Variants in MLLT3 observed in about 807,000 individuals in gnomAD.
MLLT3 encodes the protein protein AF-9.
A neutral mutation model predicts 53.2 loss-of-function variants in MLLT3; 4 were observed. The ratio of observed to expected loss-of-function variants is 0.08; its 90% CI spans 0.04 to 0.17. The LOEUF (loss-of-function observed/expected upper bound fraction) is 0.17. Ranked by LOEUF, MLLT3 falls within the 10% of genes least tolerant of loss-of-function variation. The probability of loss-of-function intolerance (pLI) is 1.00; values close to 1 mark genes in which losing one functional copy is unlikely to be tolerated. For synonymous variants in MLLT3, 283 were observed against 230.6 expected, an observed-to-expected ratio of 1.23 and a Z score of -2.06; for missense variants, 569 against 684.0, an observed-to-expected ratio of 0.83 and a Z score of 1.87.
chr9:20,621,858 G>A lies in MLLT3; in HGVS notation c.12+387C>T. 1 of 1,383,644 alleles carries A rather than the reference G, an allele frequency of 7.2e-7. No homozygotes were observed. The highest frequency in any genetic ancestry group is 1.5e-5 in the African/African-American group (1 of 65,482). 85.7% of individuals were successfully genotyped at this position (1,383,644 alleles called of 1,614,324 possible). A position where few individuals can be genotyped will look rare whatever the true frequency, so the allele number is the denominator to read the frequency against. On this transcript the variant is annotated intron_variant, in intron 1 of 10. Transcript: ENST00000380338. This position sits in a 1 kb window ranked among gnomAD's most constrained non-coding sequence, Gnocchi z 7.0. ...CGGACTGTGCCCGCAGCTCCCGGCG[G>A]CGGCGGCTGAAATATGGCTGAGTTA...
chr9:20,483,360 C>T (rs1237869840), intron 2 of MLLT3, among the ~76,000 whole-genome samples: 5 of 151,680 alleles, frequency 3.3e-5, no homozygotes, highest in South Asian at 2.1e-4. Flanking sequence ...ATCTCAGCCT[C>T]GCAAGTAGCT....
Position 20,342,327 on chromosome 9 carries a change from G to C in MLLT3, c.*4116C>G, listed in dbSNP as rs1202972764. ...CAGTGTGCCTTGAATTCACACAAAAGCATGTACACATACACAATGTATCTT... is the reference window on the plus strand; with the variant it reads ...CAGTGTGCCTTGAATTCACACAAAACCATGTACACATACACAATGTATCTT... On this transcript the variant is annotated 3_prime_UTR_variant, in exon 11 of 11. Coordinates refer to ENST00000380338, the MANE Select transcript of MLLT3 (RefSeq NM_004529.4). The C allele has an allele frequency of 8.9e-6, 2 of 225,044 alleles. No individual in the cohort carries two copies. Among genetic ancestry groups the C allele is most frequent in the African/African-American group, 2.2e-5 (1 of 44,868 alleles). 13.9% of individuals were successfully genotyped at this position (225,044 alleles called of 1,614,324 possible). A position where few individuals can be genotyped will look rare whatever the true frequency, so the allele number is the denominator to read the frequency against.
In MLLT3 at chr9:20,345,643, T is replaced by G. The variant is rs1318543776; in HGVS notation, c.*800A>C. The G allele has an allele frequency of 9.4e-6, 2 of 212,222 alleles. No homozygotes were observed. The highest frequency in any genetic ancestry group is 2.3e-5 in the African/African-American group (1 of 44,186). The allele number at this position is 212,222 out of a possible 1,614,324, so 13.1% of individuals were successfully genotyped here. A position where few individuals can be genotyped will look rare whatever the true frequency, so the allele number is the denominator to read the frequency against. On this transcript the variant is annotated 3_prime_UTR_variant, in exon 11 of 11. Coordinates refer to ENST00000380338, the MANE Select transcript of MLLT3 (RefSeq NM_004529.4). Reference sequence around the variant, plus strand: ...CAGGTACACTTTTGTTTAAAAGTCCTACAAGTTTATTGACTAAGGCTAGAC... The same window carrying G: ...CAGGTACACTTTTGTTTAAAAGTCCGACAAGTTTATTGACTAAGGCTAGAC...
chr9:20,511,101 T>C (rs1421977408), intron 2 of MLLT3, among the ~76,000 whole-genome samples: 1 of 152,156 alleles, frequency 6.6e-6, no homozygotes, highest in Non-Finnish European at 1.5e-5. Context: ...TTATTTAATA[T>C]TATAAAATTT....
At chr9:20,454,713 G>A (rs1486350287) in intron 3 of MLLT3, among the ~76,000 whole-genome samples, 3 of 152,164 alleles carry the variant, frequency 2.0e-5, no homozygotes, top group Non-Finnish European at 4.4e-5. Flanking sequence ...CAAGAGGGAA[G>A]AAAAGCACCA....
chr9:20,413,469 G>T (rs1822782720), intron 5 of MLLT3, among the ~76,000 whole-genome samples: 1 of 152,142 alleles, frequency 6.6e-6, no homozygotes, highest in South Asian at 2.1e-4. Context: ...CTATTCAAAT[G>T]ACCCATTATA....
chr9:20,370,104 A>T (rs1418447263), intron 5 of MLLT3, among the ~76,000 whole-genome samples: 1 of 152,326 alleles, frequency 6.6e-6, no homozygotes, highest in East Asian at 1.9e-4. Context: ...CTATGCATGT[A>T]GTTTCTTTCA....
intron 8 of MLLT3, among the ~76,000 whole-genome samples, chr9:20,355,565 C>A (rs1405408517): frequency 1.3e-5 from 2 of 152,100 alleles, no homozygotes; most frequent in Non-Finnish European, 2.9e-5. Flanking sequence ...AAAGGAGAAG[C>A]AAATTATTAT....
At chr9:20,431,994 C>T (rs373386226) in intron 4 of MLLT3, among the ~76,000 whole-genome samples, 12 of 152,090 alleles carry the variant, frequency 7.9e-5, no homozygotes, top group African/African-American at 2.2e-4. Context: ...GTAATTATAT[C>T]GAGAGAAGGC....
rs1441952843 is a variant in MLLT3 at position 20,621,170 on chromosome 9, CA to C, written c.13-337del. Among the ~76,000 whole-genome samples, 2 of 152,198 alleles carry C rather than the reference CA, an allele frequency of 1.3e-5. No homozygotes were observed. The highest frequency in any genetic ancestry group is 2.4e-5 in the African/African-American group (1 of 41,456). On this transcript the variant is annotated intron_variant, in intron 1 of 10. Coordinates refer to ENST00000380338, the MANE Select transcript of MLLT3 (RefSeq NM_004529.4). This position sits in a 1 kb window ranked among gnomAD's most constrained non-coding sequence, Gnocchi z 7.0. ...AGCACGACAACAAATGCATCGGAAA[CA>C]AATCAGAAGGCGATGCCGGGGCGGT...
At chr9:20,515,024 G>A (rs142693637) in intron 2 of MLLT3, among the ~76,000 whole-genome samples, 3 of 136,842 alleles carry the variant, frequency 2.2e-5, no homozygotes, top group African/African-American at 8.3e-5. Context: ...TCGGCTCACC[G>A]CAACCTCTGC....
intron 5 of MLLT3, 39 bp from the exon 6 acceptor site, chr9:20,365,783 C>T (rs370992354): frequency 6.5e-5 from 104 of 1,600,622 alleles, no homozygotes; most frequent in Non-Finnish European, 7.8e-5. Flanking sequence ...AATAAATTTA[C>T]GGGATACCAC....
chr9:20,486,245 G>A (rs1005760258), intron 2 of MLLT3, among the ~76,000 whole-genome samples: 5 of 151,986 alleles, frequency 3.3e-5, no homozygotes, highest in African/African-American at 1.2e-4. Context: ...TTCCTACATG[G>A]CAGCAATAAC....
At chr9:20,531,326 G>A (rs533051443) in intron 2 of MLLT3, among the ~76,000 whole-genome samples, 2 of 152,060 alleles carry the variant, frequency 1.3e-5, no homozygotes, top group African/African-American at 4.8e-5. Context: ...AGTAGAGACA[G>A]CGTTTCACCA....
chr9:20,347,412 A>G (rs1820904889), intron 10 of MLLT3, among the ~76,000 whole-genome samples: 1 of 152,182 alleles, frequency 6.6e-6, no homozygotes, highest in Non-Finnish European at 1.5e-5. Flanking sequence ...TTGTCTTGTC[A>G]TTTGGAATAG....
chr9:20,374,539 A>G (rs1416395989), intron 5 of MLLT3, among the ~76,000 whole-genome samples: 1 of 152,218 alleles, frequency 6.6e-6, no homozygotes, highest in East Asian at 1.9e-4. Context: ...GAAGTATTGA[A>G]AAGTGATAAA....
intron 2 of MLLT3, among the ~76,000 whole-genome samples, chr9:20,592,290 T>G (rs759124529): frequency 2.0e-5 from 3 of 152,174 alleles, no homozygotes; most frequent in Non-Finnish European, 2.9e-5. Flanking sequence ...CTAGAGCTGC[T>G]ATAACAAAGT....
chr9:20,395,088 C>T (rs1230990477), intron 5 of MLLT3, among the ~76,000 whole-genome samples: 1 of 152,124 alleles, frequency 6.6e-6, no homozygotes, highest in Non-Finnish European at 1.5e-5. Flanking sequence ...TCTCCCAAGG[C>T]AACAGATGGA....
chr9:20,620,293 A>ACGCGCGCG lies in MLLT3; in HGVS notation c.193+360_193+361insCGCGCGCG, dbSNP rs892008680. On this transcript the variant is annotated intron_variant, in intron 2 of 10. Coordinates refer to ENST00000380338, the MANE Select transcript of MLLT3 (RefSeq NM_004529.4). This position sits in a 1 kb window ranked among gnomAD's most constrained non-coding sequence, Gnocchi z 6.1. Reference sequence around the variant, plus strand: ...CACACACACACACACACACACACACACGCGCAAAGTGTTTATTCCCTCCAG... The same window carrying ACGCGCGCG: ...CACACACACACACACACACACACACACGCGCGCGCGCGCAAAGTGTTTATTCCCTCCAG... Among the ~76,000 whole-genome samples the ACGCGCGCG allele has an allele frequency of 4.8e-5, 7 of 146,080 alleles. No individual in the cohort carries two copies. Among genetic ancestry groups the ACGCGCGCG allele is most frequent in the African/African-American group, 1.8e-4 (7 of 39,938 alleles).
Sources: allele counts gnomAD v4.1 joint callset (sites outside exome capture counted in the v4.1 genomes callset), GRCh38; gene constraint gnomAD v4.1.1; non-coding constraint Gnocchi (gnomAD v3.1); transcripts MANE v1.5; gene names NCBI Gene and HGNC (gene_info 2026-07-23, HGNC 2026-07-21).